Variants in CSMD1 observed in about 807,000 individuals in gnomAD.
CSMD1 encodes CUB and sushi domain-containing protein 1.
A neutral mutation model predicts 417.5 loss-of-function variants in CSMD1; 213 were observed. The ratio of observed to expected loss-of-function variants is 0.51; its 90% confidence interval spans 0.46 to 0.57. The LOEUF (loss-of-function observed/expected upper bound fraction) is 0.57, where lower values mean the gene tolerates loss of function less well. Ranked by LOEUF, CSMD1 falls within the 20% of genes least tolerant of loss-of-function variation. CSMD1 has a pLI of 0.00. For missense variants in CSMD1, 6,923 were observed against 4,529.7 expected, an observed-to-expected ratio of 1.53 and a Z score of -15.17; for synonymous variants, 2,862 against 1,736.8, an observed-to-expected ratio of 1.65 and a Z score of -16.11.
In CSMD1 at chr8:3,406,023, G is replaced by GCACCTT. The variant is rs1563354450; in HGVS notation, c.2264_2266+3dup. ...AGAAGAGCGGGGGGTGGCAGGGACT[G>GCACCTT]CACCTTCACAGCGGGGCACGGTGGA... On this transcript the variant is annotated splice_donor_region_variant and intron_variant, in intron 15 of 69. Coordinates refer to ENST00000635120, the MANE Select transcript of CSMD1 (RefSeq NM_033225.6). 1.2e-6 allele frequency: 2 copies of GCACCTT among 1,613,018 alleles called. No individual in the cohort carries two copies. The highest frequency in any genetic ancestry group is 8.5e-7 in the Non-Finnish European group (1 of 1,179,406).
At chr8:3,655,785 A>G (rs1798071230) in intron 7 of CSMD1, among the ~76,000 whole-genome samples, 1 of 152,036 alleles carries the variant, frequency 6.6e-6, no homozygotes, top group Non-Finnish European at 1.5e-5. Flanking sequence ...GGAAAGGTAG[A>G]GTCTAATAGC....
chr8:4,131,396 T>C (rs1298375521), intron 3 of CSMD1, among the ~76,000 whole-genome samples: 1 of 152,172 alleles, frequency 6.6e-6, no homozygotes, highest in Non-Finnish European at 1.5e-5. Context: ...CCTTAAGCCT[T>C]CCTTGAGCTA....
intron 12 of CSMD1, among the ~76,000 whole-genome samples, chr8:3,422,257 A>G (rs1040154803): frequency 2.0e-5 from 3 of 152,146 alleles, no homozygotes; most frequent in African/African-American, 7.2e-5. Context: ...GCCACTCAGC[A>G]TTCTTGATGG....
At chr8:3,172,562 T>A (rs1286864705) in intron 37 of CSMD1, among the ~76,000 whole-genome samples, 4 of 152,174 alleles carry the variant, frequency 2.6e-5, no homozygotes, top group African/African-American at 9.7e-5. Flanking sequence ...TGGTTGTGAC[T>A]CTACTTACAG....
At chr8:4,178,807 G>T (rs919302195) in intron 3 of CSMD1, among the ~76,000 whole-genome samples, 2 of 151,984 alleles carry the variant, frequency 1.3e-5, no homozygotes, top group Non-Finnish European at 2.9e-5. Context: ...AGCCAAATCA[G>T]GAGTGAACTC....
At chr8:3,182,762 T>C (rs1821446921) in intron 36 of CSMD1, among the ~76,000 whole-genome samples, 1 of 142,244 alleles carries the variant, frequency 7.0e-6, no homozygotes, top group Non-Finnish European at 1.5e-5. Context: ...TGTGTGTGTG[T>C]GTGTGTATTG....
chr8:4,199,788 A>C (rs1260058556), intron 3 of CSMD1, among the ~76,000 whole-genome samples: 1 of 152,206 alleles, frequency 6.6e-6, no homozygotes, highest in Admixed American at 6.5e-5. Context: ...CATGCTGTTT[A>C]GATAGAAAAT....
At chr8:3,668,466 T>A (rs779155679) in intron 7 of CSMD1, among the ~76,000 whole-genome samples, 1 of 152,056 alleles carries the variant, frequency 6.6e-6, no homozygotes, top group East Asian at 1.9e-4. Context: ...GGAGAGATGA[T>A]AGAGTTTGGG....
chr8:3,192,728 A>G (rs780544026), intron 33 of CSMD1, among the ~76,000 whole-genome samples: 12 of 152,286 alleles, frequency 7.9e-5, no homozygotes, highest in Non-Finnish European at 1.5e-4. Context: ...TGCATTTTCT[A>G]TTGTGATTTG....
rs1798341349 is a variant in CSMD1 at position 3,223,792 on chromosome 8, C to A, written c.4421G>T (p.Gly1474Val). Residue 1474 changes from glycine to valine, a missense_variant, in exon 28 of 70, where the codon GGG becomes GTG. Coordinates refer to ENST00000635120, the MANE Select transcript of CSMD1 (RefSeq NM_033225.6). Reference sequence around the variant, plus strand: ...TTTTACTCTCCAGTCACATTCCTTCCCAGGAGGATACGGCTGTGGGTAGTT... The same window carrying A: ...TTTTACTCTCCAGTCACATTCCTTCACAGGAGGATACGGCTGTGGGTAGTT... ...SPNYPQPYPP[G>V]KECDWRVKVN... 1 of 1,613,718 alleles carries A rather than the reference C, an allele frequency of 6.2e-7. No homozygotes were observed.
intron 54 of CSMD1, among the ~76,000 whole-genome samples, chr8:2,980,059 C>A (rs954643568): frequency 6.6e-6 from 1 of 152,232 alleles, no homozygotes; most frequent in Non-Finnish European, 1.5e-5. Flanking sequence ...GGAATCAGCT[C>A]CCCCATGCCA....
chr8:4,440,476 C>T (rs140176582), intron 2 of CSMD1, among the ~76,000 whole-genome samples: 6 of 152,294 alleles, frequency 3.9e-5, no homozygotes, highest in African/African-American at 1.2e-4. Context: ...AAAAAAAAAT[C>T]TCAGCAACTG....
intron 3 of CSMD1, among the ~76,000 whole-genome samples, chr8:4,171,552 T>C (rs17069210): frequency 0.022 from 3,404 of 151,840 alleles, 201 homozygotes; most frequent in African/African-American, 0.077. Flanking sequence ...GTACAATAAC[T>C]ACTGGATATG....
chr8:3,819,433 G>T (rs1038380242), intron 5 of CSMD1, among the ~76,000 whole-genome samples: 2 of 152,010 alleles, frequency 1.3e-5, no homozygotes, highest in Admixed American at 1.3e-4. Context: ...GGTAAAGAAA[G>T]TTGGAAGCTA....
At chr8:3,054,439 G>A (rs1812078047) in intron 49 of CSMD1, among the ~76,000 whole-genome samples, 1 of 152,130 alleles carries the variant, frequency 6.6e-6, no homozygotes, top group Non-Finnish European at 1.5e-5. Flanking sequence ...GCAACATGGT[G>A]AAACCCTGTC....
At position 4,332,592 on chromosome 8, in the gene CSMD1, CACACACACACACACAG is replaced by C. The variant is rs1333741010; in HGVS notation, c.415+87345_415+87360del. 4.6e-3 allele frequency among the ~76,000 whole-genome samples: 422 copies of C among 91,054 alleles called. 5 individuals are homozygous for C. Among genetic ancestry groups the C allele is most frequent in the African/African-American group, 0.02 (415 of 21,198 alleles). 59.7% of individuals were successfully genotyped at this position (91,054 alleles called of 152,430 possible). ...ACACACACACACACACACACACACA[CACACACACACACACAG>C]AGTCATATGCAGAGACATTCAGATA... is the stretch of plus-strand genomic sequence containing the variant. On this transcript the variant is annotated intron_variant, in intron 3 of 69. Transcript: ENST00000635120.
chr8:3,677,898 C>T (rs1007187647), intron 7 of CSMD1, among the ~76,000 whole-genome samples: 14 of 152,104 alleles, frequency 9.2e-5, no homozygotes, highest in Admixed American at 2.6e-4. Context: ...TCATGAAACA[C>T]CTCCCACTAA....
intron 5 of CSMD1, among the ~76,000 whole-genome samples, chr8:3,889,264 G>C (rs1321509268): frequency 6.6e-6 from 1 of 151,430 alleles, no homozygotes; most frequent in Non-Finnish European, 1.5e-5. Context: ...TTTCTTAAAT[G>C]TTTTTCTAGA....
At chr8:3,057,875 C>T (rs1416752320) in intron 49 of CSMD1, among the ~76,000 whole-genome samples, 1 of 152,112 alleles carries the variant, frequency 6.6e-6, no homozygotes, top group Non-Finnish European at 1.5e-5. Flanking sequence ...ATAGTGGTTC[C>T]TTATTTCCCG....
Sources: gnomAD v4.1 joint callset for allele counts (sites outside exome capture counted in the v4.1 genomes callset) on GRCh38, gnomAD v4.1.1 for gene constraint, MANE v1.5 for transcripts, NCBI Gene and HGNC (gene_info 2026-07-23, HGNC 2026-07-21) for gene names.